MCPH1: variants seen among roughly 807,000 people sequenced by gnomAD.
MCPH1 encodes the protein microcephalin.
In MCPH1, 104 loss-of-function variants were observed where a neutral mutation model predicts 84.5. That is an observed-to-expected ratio of 1.23 (90% CI 1.05 to 1.45). The LOEUF (loss-of-function observed/expected upper bound fraction) is 1.45. Ranked by LOEUF, MCPH1 falls within the 40% of genes most tolerant of loss-of-function variation. The pLI is 0.00. For missense variants in MCPH1, 1,498 were observed against 1,005.7 expected, an observed-to-expected ratio of 1.49 and a Z score of -6.62; for synonymous variants, 514 against 366.8, an observed-to-expected ratio of 1.40 and a Z score of -4.58.
At chr8:6,595,240 C>A (rs1208622104) in intron 12 of MCPH1, among the ~76,000 whole-genome samples, 1 of 152,178 alleles carries the variant, frequency 6.6e-6, no homozygotes, top group Non-Finnish European at 1.5e-5. Flanking sequence ...TCCCTGTCCA[C>A]ATGGAGACTT....
intron 9 of MCPH1, among the ~76,000 whole-genome samples, chr8:6,459,273 G>A (rs187371609): frequency 7.9e-6 from 1 of 127,142 alleles, no homozygotes; most frequent in African/African-American, 3.9e-5. Flanking sequence ...ACTTAACACG[G>A]CCTTTTTTGT....
chr8:6,495,048 A>C (rs768154775), intron 11 of MCPH1, among the ~76,000 whole-genome samples: 2 of 152,234 alleles, frequency 1.3e-5, no homozygotes, highest in African/African-American at 2.4e-5. Flanking sequence ...AATACAGAAG[A>C]ATAGCTTATT....
chr8:6,412,222 G>A (rs1449612415), intron 2 of MCPH1, among the ~76,000 whole-genome samples: 1 of 152,138 alleles, frequency 6.6e-6, no homozygotes, highest in East Asian at 1.9e-4. Context: ...GTAATACACT[G>A]GAATGTAGGA....
At chr8:6,529,301 A>G (rs1014881857) in intron 12 of MCPH1, among the ~76,000 whole-genome samples, 1 of 152,176 alleles carries the variant, frequency 6.6e-6, no homozygotes, top group Non-Finnish European at 1.5e-5. Context: ...TCTCATTCTG[A>G]CAGGCTTGGA....
chr8:6,643,799 G>A lies in MCPH1; in HGVS notation c.*750G>A, dbSNP rs1798081308. 6.6e-6 allele frequency: 1 copy of A among 152,380 alleles called. No individual in the cohort carries two copies. Among genetic ancestry groups the A allele is most frequent in the Non-Finnish European group, 1.5e-5 (1 of 68,218 alleles). 9.4% of individuals were successfully genotyped at this position (152,380 alleles called of 1,614,324 possible). A position where few individuals can be genotyped will look rare whatever the true frequency, so the allele number is the denominator to read the frequency against. ...TAATGAAAGGAGATAGGTATGGGGG[G>A]TGTTATACAGGATAATTGGTGACAT... On this transcript the variant is annotated 3_prime_UTR_variant, in exon 14 of 14. Transcript: ENST00000344683.
rs140026083 is a variant in MCPH1 at position 6,406,744 on chromosome 8, C to G, written c.22+55C>G. The G allele has an allele frequency of 0.012, 19,228 of 1,598,048 alleles. 150 individuals are homozygous for G. Among genetic ancestry groups the G allele is most frequent in the Non-Finnish European group, 0.015 (17,495 of 1,169,252 alleles). On this transcript the variant is annotated intron_variant, in intron 1 of 13. Coordinates refer to ENST00000344683, the MANE Select transcript of MCPH1 (RefSeq NM_024596.5). ...AGCGGGAGTTTGAGGACCGGCACCC[C>G]TCGTCGCGGGCGCACTCGGGGGATC...
intron 12 of MCPH1, 103 bp downstream of exon 12, chr8:6,500,032 T>C (rs1811844783): frequency 1.1e-6 from 1 of 924,168 alleles, no homozygotes; most frequent in Non-Finnish European, 1.8e-6. Context: ...TCAAGCACAA[T>C]TATGCCCATA....
At chr8:6,525,624 A>G (rs935434603) in intron 12 of MCPH1, among the ~76,000 whole-genome samples, 7 of 152,190 alleles carry the variant, frequency 4.6e-5, no homozygotes, top group African/African-American at 1.2e-4. Context: ...CCATTTGCAT[A>G]TTTTTGTAAT....
intron 8 of MCPH1, among the ~76,000 whole-genome samples, chr8:6,448,467 T>G (rs539990871): frequency 1.3e-5 from 2 of 152,288 alleles, no homozygotes; most frequent in East Asian, 3.9e-4. Flanking sequence ...TGTTTTGAAG[T>G]GTGATGAGAA....
chr8:6,440,843 C>A (rs577659464), intron 6 of MCPH1, among the ~76,000 whole-genome samples: 2 of 152,318 alleles, frequency 1.3e-5, no homozygotes, highest in Admixed American at 1.3e-4. Flanking sequence ...ATAACAAAGA[C>A]AAAAACCAAT....
intron 13 of MCPH1, chr8:6,635,526 TAGAGGCTGCAGTG>T (rs1343428111): frequency 3.3e-5 from 5 of 152,002 alleles, no homozygotes; most frequent in African/African-American, 1.2e-4. Context: ...GCCCAGGAGT[TAGAGGCTGCAGTG>T]AGCCGTGATC....
intron 12 of MCPH1, among the ~76,000 whole-genome samples, chr8:6,506,913 T>C (rs1268003589): frequency 1.3e-5 from 2 of 152,200 alleles, no homozygotes; most frequent in African/African-American, 4.8e-5. Flanking sequence ...CTTTTTTTTT[T>C]TGAGACGGAG....
intron 12 of MCPH1, among the ~76,000 whole-genome samples, chr8:6,578,742 G>C (rs957325738): frequency 3.9e-5 from 6 of 152,210 alleles, no homozygotes; most frequent in East Asian, 1.9e-4. Context: ...CTGAGCAAAT[G>C]TGCCACTTCT....
intron 13 of MCPH1, among the ~76,000 whole-genome samples, chr8:6,628,394 C>T (rs1334150726): frequency 2.8e-5 from 4 of 142,780 alleles, no homozygotes; most frequent in African/African-American, 5.2e-5. Context: ...TGCATGAACC[C>T]GGGAGGCAGA....
chr8:6,426,811 A>C (rs1469306573), intron 3 of MCPH1, among the ~76,000 whole-genome samples: 1 of 152,068 alleles, frequency 6.6e-6, no homozygotes, highest in Non-Finnish European at 1.5e-5. Flanking sequence ...GCAGATGTGT[A>C]GTGGTATTTC....
chr8:6,418,159 G>C (rs1231684986), intron 3 of MCPH1, among the ~76,000 whole-genome samples: 2 of 152,014 alleles, frequency 1.3e-5, no homozygotes, highest in African/African-American at 4.8e-5. Context: ...CATTTCTCTA[G>C]TAGCCCTAGC....
chr8:6,551,360 G>A (rs1321085043), intron 12 of MCPH1, among the ~76,000 whole-genome samples: 5 of 151,940 alleles, frequency 3.3e-5, no homozygotes, highest in Non-Finnish European at 7.3e-5. Context: ...ACGCCTTCAT[G>A]GCACGGGACA....
At chr8:6,515,163 A>G (rs1816012986) in intron 12 of MCPH1, among the ~76,000 whole-genome samples, 1 of 152,008 alleles carries the variant, frequency 6.6e-6, no homozygotes, top group African/African-American at 2.4e-5. Flanking sequence ...TCCTGTAGAA[A>G]ACCATTGACT....
intron 6 of MCPH1, 54 bp from the exon 7 acceptor site, chr8:6,442,013 C>A (rs1466842233): frequency 1.6e-6 from 2 of 1,285,430 alleles, no homozygotes; most frequent in African/African-American, 1.5e-5. Context: ...CTGGCTTCAT[C>A]TGCTAAGAAA....
Sources: gnomAD v4.1 joint callset for allele counts (sites outside exome capture counted in the v4.1 genomes callset) on GRCh38, gnomAD v4.1.1 for gene constraint, MANE v1.5 for transcripts, NCBI Gene and HGNC (gene_info 2026-07-23, HGNC 2026-07-21) for gene names.